The following UNC5B variants were observed in gnomAD, a reference collection of about 807,000 sequenced individuals.
The protein encoded by UNC5B is netrin receptor UNC5B.
In UNC5B, 56 loss-of-function variants were observed where a neutral mutation model predicts 103.7. The observed-to-expected ratio is 0.54, with a 90% CI of 0.44 to 0.67. The LOEUF (loss-of-function observed/expected upper bound fraction) is 0.67. Ranked by LOEUF, UNC5B falls within the 30% of genes least tolerant of loss-of-function variation. The pLI is 0.00. For synonymous variants in UNC5B, 577 were observed against 542.0 expected (o/e 1.06, Z -0.90); for missense variants, 1,194 against 1,284.5 (o/e 0.93, Z 1.08).
chr10:71,263,770 AC>A (rs1844466120), intron 1 of UNC5B, among the ~76,000 whole-genome samples: 1 of 152,052 alleles, frequency 6.6e-6, no homozygotes, highest in South Asian at 2.1e-4. Flanking sequence ...GAAGCAAATG[AC>A]CATCCCCTCT....
At chr10:71,253,490 G>C (rs1331064626) in intron 1 of UNC5B, among the ~76,000 whole-genome samples, 1 of 152,206 alleles carries the variant, frequency 6.6e-6, no homozygotes, top group African/African-American at 2.4e-5. Context: ...GGCTGGCAGG[G>C]AAGGCCAGGC....
chr10:71,246,498 G>A (rs1363645345), intron 1 of UNC5B, among the ~76,000 whole-genome samples: 1 of 152,054 alleles, frequency 6.6e-6, no homozygotes, highest in East Asian at 1.9e-4. Flanking sequence ...CCAAGCTGTG[G>A]GTCAGAGTCC....
chr10:71,282,659 C>A (rs1449898634), intron 2 of UNC5B, among the ~76,000 whole-genome samples: 1 of 152,130 alleles, frequency 6.6e-6, no homozygotes. Flanking sequence ...GTCACCCACC[C>A]CTGAAGCAGC....
At chr10:71,222,005 T>G (rs1249191521) in intron 1 of UNC5B, among the ~76,000 whole-genome samples, 2 of 152,166 alleles carry the variant, frequency 1.3e-5, no homozygotes, top group African/African-American at 4.8e-5. Context: ...ATCATCATCA[T>G]CATCATCATC....
chr10:71,265,291 C>T (rs1348176237), intron 1 of UNC5B, among the ~76,000 whole-genome samples: 1 of 152,140 alleles, frequency 6.6e-6, no homozygotes, highest in African/African-American at 2.4e-5. Context: ...GCCGTTTAAT[C>T]CCAGCTGGGG....
intron 1 of UNC5B, among the ~76,000 whole-genome samples, chr10:71,274,091 G>A (rs368524609): frequency 5.3e-5 from 8 of 152,302 alleles, no homozygotes; most frequent in Admixed American, 1.3e-4. Flanking sequence ...GGCTGGGTGC[G>A]GTGGCTCATG....
chr10:71,243,020 G>A (rs1444386343), intron 1 of UNC5B, among the ~76,000 whole-genome samples: 1 of 152,052 alleles, frequency 6.6e-6, no homozygotes, highest in Non-Finnish European at 1.5e-5. Flanking sequence ...ATCACCTGAG[G>A]TCAGGAGTTC....
intron 1 of UNC5B, among the ~76,000 whole-genome samples, chr10:71,238,283 C>T (rs1843817673): frequency 6.6e-6 from 1 of 152,070 alleles, no homozygotes; most frequent in Non-Finnish European, 1.5e-5. Flanking sequence ...GAAAGTCAGG[C>T]AAAATCCCCA....
rs758678759 is a variant in UNC5B at position 71,286,855 on chromosome 10, C to G, written c.719C>G (p.Thr240Ser). ...IVAKRRSTTATVIVYVNGGWS... is the reference protein window; with the variant it reads ...IVAKRRSTTASVIVYVNGGWS... ...GCCAAACGCCGGAGCACCACTGCCA[C>G]CGTCATCGTCTACGGTGCGGGCCTT... The change falls in exon 5 of 17, where the codon ACC becomes AGC. Residue 240 changes from threonine (T) to serine (S), a missense_variant. Thr to Ser is a moderately conservative substitution (Grantham distance 58). Coordinates refer to ENST00000335350, the MANE Select transcript of UNC5B (RefSeq NM_170744.5). 14 of 1,613,988 alleles carry G rather than the reference C, an allele frequency of 8.7e-6. No homozygotes were observed. The East Asian group carries it at 3.1e-4, about 36-fold the overall frequency.
At chr10:71,298,805 A>G (rs1387788643) in intron 16 of UNC5B, among the ~76,000 whole-genome samples, 1 of 152,186 alleles carries the variant, frequency 6.6e-6, no homozygotes, top group Non-Finnish European at 1.5e-5. Flanking sequence ...GATAATAATG[A>G]TGATGATGAA....
At chr10:71,270,194 A>T (rs1844609916) in intron 1 of UNC5B, among the ~76,000 whole-genome samples, 1 of 152,116 alleles carries the variant, frequency 6.6e-6, no homozygotes, top group Non-Finnish European at 1.5e-5. Flanking sequence ...TACTAAAGAC[A>T]CAAAAATTAG....
At chr10:71,246,126 A>C (rs765953651) in intron 1 of UNC5B, among the ~76,000 whole-genome samples, 10 of 152,238 alleles carry the variant, frequency 6.6e-5, no homozygotes, top group South Asian at 2.1e-4. Context: ...GTGGAAGCCT[A>C]AGGAGAAACC....
At chr10:71,216,153 G>C (rs1843325530) in intron 1 of UNC5B, among the ~76,000 whole-genome samples, 1 of 152,126 alleles carries the variant, frequency 6.6e-6, no homozygotes, top group Non-Finnish European at 1.5e-5. Context: ...GGGACTCACC[G>C]GTAGCGCCAG....
Position 71,295,792 on chromosome 10 carries a change from C to T in UNC5B, c.2176-19C>T, listed in dbSNP as rs1845392792. 6 of 1,608,878 alleles carry T rather than the reference C, an allele frequency of 3.7e-6. No homozygotes were observed. The highest frequency in any genetic ancestry group is 5.1e-6 in the Non-Finnish European group (6 of 1,178,408). ...GCCAGGTGTGATGGGTTCCCCTTCCCCATGCCCCTGGCCCACAGGAGGTGC... is the reference window on the plus strand; with the variant it reads ...GCCAGGTGTGATGGGTTCCCCTTCCTCATGCCCCTGGCCCACAGGAGGTGC... On this transcript the variant is annotated intron_variant, in intron 13 of 16. Transcript: ENST00000335350.
Position 71,295,906 on chromosome 10 carries a change from C to T in UNC5B, c.2271C>T (p.Ser757=). 2.5e-6 allele frequency: 4 copies of T among 1,613,342 alleles called. No homozygotes were observed. Among genetic ancestry groups the T allele is most frequent in the Non-Finnish European group, 3.4e-6 (4 of 1,180,030 alleles). ...FKDSYHNLRL[S]LHDLPHAHWR... ...ACAGTTACCACAACCTGCGCCTCTC[C>T]CTCCATGACCTCCCCCATGCCCATT... The change falls in exon 14 of 17, where the codon TCC becomes TCT. Residue 757 remains serine, a synonymous_variant. Coordinates refer to ENST00000335350, the MANE Select transcript of UNC5B (RefSeq NM_170744.5).
intron 1 of UNC5B, among the ~76,000 whole-genome samples, chr10:71,227,228 G>A (rs1843583464): frequency 1.3e-5 from 2 of 152,080 alleles, no homozygotes; most frequent in Admixed American, 1.3e-4. Context: ...CAGGTGATCT[G>A]CCCGCCTCAG....
chr10:71,243,198 G>A (rs1456116797), intron 1 of UNC5B, among the ~76,000 whole-genome samples: 1 of 152,060 alleles, frequency 6.6e-6, no homozygotes, highest in African/African-American at 2.4e-5. Context: ...TCTCATCACG[G>A]CACTCCAGCC....
At chr10:71,289,839 G>A (rs1845199939) in intron 8 of UNC5B, among the ~76,000 whole-genome samples, 1 of 152,248 alleles carries the variant, frequency 6.6e-6, no homozygotes, top group Admixed American at 6.5e-5. Context: ...GAAGTCGGAA[G>A]TGGGCAGACA....
intron 11 of UNC5B, 61 bp from the exon 12 acceptor site, chr10:71,293,344 A>G: frequency 1.3e-6 from 2 of 1,534,396 alleles, no homozygotes; most frequent in Non-Finnish European, 1.8e-6. Context: ...GGAGCCCAGC[A>G]GGAGCCTGCA....
Sources: gnomAD v4.1 joint callset for allele counts (sites outside exome capture counted in the v4.1 genomes callset) on GRCh38, gnomAD v4.1.1 for gene constraint, MANE v1.5 for transcripts, NCBI Gene and HGNC (gene_info 2026-07-23, HGNC 2026-07-21) for gene names.